Variants in CREB3L1 observed in about 807,000 individuals in gnomAD.
The protein encoded by CREB3L1 is cAMP responsive element binding protein 3 like 1.
CREB3L1 carries 33 observed loss-of-function variants against 54.5 expected under a neutral mutation model. The observed-to-expected ratio is 0.61, with a 90% confidence interval of 0.46 to 0.81. CREB3L1 has a LOEUF of 0.81. CREB3L1 is among the 30% of genes least tolerant of loss of function. The pLI, the probability that CREB3L1 is intolerant of heterozygous loss-of-function variation, is 0.00. For missense variants in CREB3L1, 656 were observed against 673.3 expected, an observed-to-expected ratio of 0.97 and a Z score of 0.29; for synonymous variants, 284 against 286.4, an observed-to-expected ratio of 0.99 and a Z score of 0.08.
In CREB3L1 at chr11:46,320,286, C is replaced by G. The variant is rs771900762; in HGVS notation, c.1281C>G (p.Phe427Leu). Residue 427 changes from phenylalanine (F) to leucine (L), a missense_variant, in exon 11 of 12, where the codon TTC (phenylalanine) becomes TTG (leucine). Coordinates refer to ENST00000621158, the MANE Select transcript of CREB3L1 (RefSeq NM_052854.4). Reference protein sequence around the residue: ...ASQMPSRSLLFYDDGAGLWED... With the variant: ...ASQMPSRSLLLYDDGAGLWED... ...CAGTGCCCTCCCGAAGCCTCCTATT[C>G]TACGATGACGGGGCAGGCTTATGGG... 13 of 1,610,678 alleles carry G rather than the reference C, an allele frequency of 8.1e-6. No homozygotes were observed. The highest frequency in any genetic ancestry group is 1.1e-5 in the Non-Finnish European group (13 of 1,178,408).
rs1227044279 is a variant in CREB3L1 at position 46,310,417 on chromosome 11, ACC to A, written c.595+351_595+352del. ...TAAGTACCTGGGATTACAGGTGCCC[ACC>A]ACCACGCCTGGCTAATTTTTGTATT... On this transcript the variant is annotated intron_variant, in intron 4 of 11. Transcript: ENST00000621158. Among the ~76,000 whole-genome samples, 44 of 151,974 alleles carry A rather than the reference ACC, an allele frequency of 2.9e-4. 1 individual carries two copies. Among genetic ancestry groups the A allele is most frequent in the Admixed American group, 2.9e-3 (44 of 15,236 alleles).
chr11:46,296,931 G>A (rs561148931), intron 1 of CREB3L1, among the ~76,000 whole-genome samples: 1 of 152,320 alleles, frequency 6.6e-6, no homozygotes, highest in Non-Finnish European at 1.5e-5. Flanking sequence ...GAAGAACCTG[G>A]GTCATCTGCC....
chr11:46,305,158 A>G (rs1466510618), intron 2 of CREB3L1, among the ~76,000 whole-genome samples: 1 of 152,076 alleles, frequency 6.6e-6, no homozygotes, highest in Non-Finnish European at 1.5e-5. Flanking sequence ...CGCTGCTTCA[A>G]TGGCTACCAG....
chr11:46,277,943 C>T lies in CREB3L1; in HGVS notation c.-169C>T, dbSNP rs1938898295. On this transcript the variant is annotated 5_prime_UTR_variant, in exon 1 of 12. Transcript: ENST00000621158. ...TGCCCTAAGGCCCCCGCGCGCCCCG[C>T]GCCCCCCACCCGGGGCCGCGCCGCC... 2 of 403,798 alleles carry T rather than the reference C, an allele frequency of 5.0e-6. No individual in the cohort carries two copies. 25.0% of individuals were successfully genotyped at this position (403,798 alleles called of 1,614,324 possible). A position where few individuals can be genotyped will look rare whatever the true frequency, so the allele number is the denominator to read the frequency against.
rs1408395075 is a variant in CREB3L1, at chr11:46,311,139, G to A, written c.703G>A (p.Ala235Thr). 6 of 1,604,892 alleles carry A rather than the reference G, an allele frequency of 3.7e-6. No homozygotes were observed. The East Asian group carries it at 1.3e-4, about 36-fold the overall frequency. ...LPPSSPVRPM[A>T]RSSTAISTSP... ...CCCCTCCAGCCCTGTCAGGCCCATG[G>A]CGCGCTCCTCCACGGCCATCTCCAC... Residue 235 changes from alanine to threonine, a missense_variant, in exon 5 of 12, where the codon GCG becomes ACG. Physicochemically the swap from Ala to Thr is moderately conservative, Grantham distance 58. Transcript: ENST00000621158.
chr11:46,309,911 T>G, intron 3 of CREB3L1, 78 bp from the exon 4 acceptor site: 1 of 1,195,628 alleles, frequency 8.4e-7, no homozygotes, highest in South Asian at 1.3e-5. Context: ...CAACCAGCTT[T>G]AGGGAGGAGG....
chr11:46,310,639 G>A (rs1301080654), intron 4 of CREB3L1, among the ~76,000 whole-genome samples: 1 of 151,924 alleles, frequency 6.6e-6, no homozygotes, highest in East Asian at 1.9e-4. Flanking sequence ...CCCTATGAGA[G>A]AGAGGCCCCA....
intron 10 of CREB3L1, among the ~76,000 whole-genome samples, chr11:46,319,880 A>C (rs79054762): frequency 9.5e-6 from 1 of 105,500 alleles, no homozygotes; most frequent in South Asian, 3.3e-4. Flanking sequence ...CTCTGTCTCA[A>C]AAAAAAAAAA....
rs954416784 is a variant in CREB3L1, at chr11:46,310,505, G to A, written c.595+438G>A. Among the ~76,000 whole-genome samples, 4 of 151,998 alleles carry A rather than the reference G, an allele frequency of 2.6e-5. No individual in the cohort carries two copies. In the South Asian group the frequency reaches 8.3e-4, roughly 32 times the overall value. On this transcript the variant is annotated intron_variant, in intron 4 of 11. Transcript: ENST00000621158. ...GCTGGTCTTGAACTCCTGACTCAGG[G>A]GATCCACCTGTCTCAGCCTCCCAAA...
intron 1 of CREB3L1, among the ~76,000 whole-genome samples, chr11:46,298,122 A>G (rs1276763526): frequency 6.6e-6 from 1 of 152,220 alleles, no homozygotes; most frequent in East Asian, 1.9e-4. Flanking sequence ...ATGTGACTCC[A>G]GAGCTCGTGT....
At chr11:46,283,643 G>A (rs143683521) in intron 1 of CREB3L1, among the ~76,000 whole-genome samples, 96 of 152,282 alleles carry the variant, frequency 6.3e-4, no homozygotes, top group African/African-American at 2.2e-3. Context: ...ACTTTGGGAG[G>A]CGGAGGCAGG....
intron 2 of CREB3L1, among the ~76,000 whole-genome samples, chr11:46,306,809 C>G (rs1311884833): frequency 6.7e-6 from 1 of 150,302 alleles, no homozygotes; most frequent in African/African-American, 2.5e-5. Context: ...CTCACTCTGT[C>G]TGTCTAGGCT....
At chr11:46,316,956 T>C (rs574093184) in intron 9 of CREB3L1, among the ~76,000 whole-genome samples, 1 of 152,198 alleles carries the variant, frequency 6.6e-6, no homozygotes, top group South Asian at 2.1e-4. Context: ...TCCGTGGCTC[T>C]CAGCACCTCC....
intron 3 of CREB3L1, 114 bp from the exon 4 acceptor site, chr11:46,309,875 C>A (rs1939458237): frequency 3.8e-6 from 3 of 783,538 alleles, no homozygotes; most frequent in African/African-American, 3.5e-5. Context: ...CCAAGCCCAG[C>A]CACTTCCCCA....
chr11:46,285,028 G>C (rs1308559060), intron 1 of CREB3L1, among the ~76,000 whole-genome samples: 1 of 152,122 alleles, frequency 6.6e-6, no homozygotes, highest in Non-Finnish European at 1.5e-5. Flanking sequence ...AGCCCTTCTG[G>C]GGACTTGGAT....
At chr11:46,287,546 C>T (rs938372842) in intron 1 of CREB3L1, among the ~76,000 whole-genome samples, 8 of 152,024 alleles carry the variant, frequency 5.3e-5, no homozygotes, top group Non-Finnish European at 8.8e-5. Context: ...AGCGATCCTC[C>T]CTCCTTGGCT....
chr11:46,310,754 A>T (rs1939471887), intron 4 of CREB3L1, among the ~76,000 whole-genome samples: 1 of 152,034 alleles, frequency 6.6e-6, no homozygotes, highest in Non-Finnish European at 1.5e-5. Flanking sequence ...ACCTCCCACG[A>T]ATTCAGCTCC....
chr11:46,307,681 A>G (rs982289660), intron 2 of CREB3L1, 135 bp from the exon 3 acceptor site: 2 of 646,156 alleles, frequency 3.1e-6, no homozygotes, highest in African/African-American at 3.7e-5. Context: ...TCACCTCACA[A>G]CCACCCTCTT....
At chr11:46,281,612 C>T (rs1938974476) in intron 1 of CREB3L1, among the ~76,000 whole-genome samples, 1 of 152,190 alleles carries the variant, frequency 6.6e-6, no homozygotes, top group African/African-American at 2.4e-5. Flanking sequence ...CAGGGACCAG[C>T]CCAGCATTGC....
Sources: allele counts gnomAD v4.1 joint callset (sites outside exome capture counted in the v4.1 genomes callset), GRCh38; gene constraint gnomAD v4.1.1; transcripts MANE v1.5; gene names NCBI Gene and HGNC (gene_info 2026-07-23, HGNC 2026-07-21).